ADORA1: variants seen among roughly 807,000 people sequenced by gnomAD.
ADORA1 encodes adenosine A1 receptor.
A neutral mutation model predicts 19.9 loss-of-function variants in ADORA1; 6 were observed. That is an observed-to-expected ratio of 0.30 (90% CI 0.17 to 0.59). The LOEUF (loss-of-function observed/expected upper bound fraction) is 0.59, where lower values mean the gene tolerates loss of function less well. Ranked by LOEUF, ADORA1 falls within the 20% of genes least tolerant of loss-of-function variation. The probability of loss-of-function intolerance (pLI) is 0.87; values close to 1 mark genes in which losing one functional copy is unlikely to be tolerated. For synonymous variants in ADORA1, 194 were observed against 188.4 expected (o/e 1.03, Z -0.24); for missense variants, 302 against 439.2 (o/e 0.69, Z 2.79).
rs149089435 is a variant in ADORA1, at chr1:203,159,739, A to G, written c.342-5522A>G. Reference sequence around the variant, plus strand: ...GTTCTCTTCTATATTCCTGAACCCTAACACCTAGAACCTGGCACCTGATAG... The same window carrying G: ...GTTCTCTTCTATATTCCTGAACCCTGACACCTAGAACCTGGCACCTGATAG... On this transcript the variant is annotated intron_variant, in intron 3 of 3. Coordinates refer to ENST00000337894, the MANE Select transcript of ADORA1 (RefSeq NM_000674.3). 3.8e-3 allele frequency among the ~76,000 whole-genome samples: 578 copies of G among 152,270 alleles called. 8 individuals are homozygous for G. Among genetic ancestry groups the G allele is most frequent in the African/African-American group, 0.013 (545 of 41,534 alleles).
rs34226911 is a variant in ADORA1, at chr1:203,151,788, G to GCATTCATTCATTCATT, written c.342-13455_342-13440dup. Among the ~76,000 whole-genome samples the GCATTCATTCATTCATT allele has an allele frequency of 4.9e-3, 734 of 151,326 alleles. 1 individual carries two copies. The highest frequency in any genetic ancestry group is 7.5e-3 in the Non-Finnish European group (507 of 67,758). Reference sequence around the variant, plus strand: ...CCCACAGCACACTTCATGCATGCATGCATTCATTCATTCATTCATTCATTC... The same window carrying GCATTCATTCATTCATT: ...CCCACAGCACACTTCATGCATGCATGCATTCATTCATTCATTCATTCATTCATTCATTCATTCATTC... On this transcript the variant is annotated intron_variant, in intron 3 of 3. Transcript: ENST00000337894.
In ADORA1 at chr1:203,157,156, A is replaced by T. The variant is rs142771929; in HGVS notation, c.342-8105A>T. 2.1e-3 allele frequency among the ~76,000 whole-genome samples: 314 copies of T among 152,344 alleles called. 3 individuals carry two copies. Among genetic ancestry groups the T allele is most frequent in the African/African-American group, 7.1e-3 (294 of 41,574 alleles). On this transcript the variant is annotated intron_variant, in intron 3 of 3. Coordinates refer to ENST00000337894, the MANE Select transcript of ADORA1 (RefSeq NM_000674.3). ...TCAAAAGTCCTAAGTCCAGAGTCTCATCTAAATCAGATATGGGTGAGGCTA... is the reference window on the plus strand; with the variant it reads ...TCAAAAGTCCTAAGTCCAGAGTCTCTTCTAAATCAGATATGGGTGAGGCTA...
At chr1:203,134,398 T>C (rs953390309) in intron 3 of ADORA1, among the ~76,000 whole-genome samples, 2 of 152,174 alleles carry the variant, frequency 1.3e-5, no homozygotes, top group African/African-American at 4.8e-5. Context: ...ATAATTTCTC[T>C]GAATTAGGGA....
At chr1:203,149,154 A>C (rs1654954059) in intron 3 of ADORA1, among the ~76,000 whole-genome samples, 1 of 152,100 alleles carries the variant, frequency 6.6e-6, no homozygotes, top group Admixed American at 6.5e-5. Context: ...CTGAGATTAC[A>C]GGCGTGAGCT....
chr1:203,132,172 G>A (rs533104352), intron 3 of ADORA1, among the ~76,000 whole-genome samples: 50 of 152,212 alleles, frequency 3.3e-4, no homozygotes, highest in African/African-American at 9.4e-4. Flanking sequence ...TAATTTGCAC[G>A]CTATTTGCAT....
chr1:203,136,388 C>T (rs1654507837), intron 3 of ADORA1, among the ~76,000 whole-genome samples: 1 of 152,114 alleles, frequency 6.6e-6, no homozygotes, highest in Non-Finnish European at 1.5e-5. Flanking sequence ...CTGCCTTGCT[C>T]CTTACCTTGG....
At position 203,128,422 on chromosome 1, in the gene ADORA1, C is replaced by T. The variant is rs1324064944; in HGVS notation, c.-68C>T. The T allele has an allele frequency of 4.6e-6, 6 of 1,293,366 alleles. No individual in the cohort carries two copies. Among genetic ancestry groups the T allele is most frequent in the Non-Finnish European group, 4.0e-6 (4 of 991,634 alleles). The allele number at this position is 1,293,366 out of a possible 1,614,324, so 80.1% of individuals were successfully genotyped here. A position where few individuals can be genotyped will look rare whatever the true frequency, so the allele number is the denominator to read the frequency against. ...TGCCTCTGGGACCCCTGCCGGCCAG[C>T]AGGCAGGATGGTGAGCTCCCTGCAT... On this transcript the variant is annotated 5_prime_UTR_variant, in exon 2 of 4. Coordinates refer to ENST00000337894, the MANE Select transcript of ADORA1 (RefSeq NM_000674.3). The surrounding 1 kb of genome is among the most constrained non-coding windows in gnomAD (Gnocchi z 5.9).
At chr1:203,155,677 A>G (rs1461423542) in intron 3 of ADORA1, among the ~76,000 whole-genome samples, 1 of 152,182 alleles carries the variant, frequency 6.6e-6, no homozygotes, top group Non-Finnish European at 1.5e-5. Context: ...GTGCAGGGCA[A>G]TGCTGGGACT....
intron 3 of ADORA1, among the ~76,000 whole-genome samples, chr1:203,154,764 A>G (rs1655143172): frequency 6.6e-6 from 1 of 152,200 alleles, no homozygotes; most frequent in Non-Finnish European, 1.5e-5. Flanking sequence ...CCATGGTGAT[A>G]CAAAACAGGG....
chr1:203,129,491 G>A, intron 3 of ADORA1: 1 of 392,276 alleles, frequency 2.5e-6, no homozygotes. Context: ...ATTTGGAAGA[G>A]CCACTAAGAT....
intron 3 of ADORA1, among the ~76,000 whole-genome samples, chr1:203,143,300 C>T (rs1036359873): frequency 2.0e-5 from 3 of 152,216 alleles, no homozygotes; most frequent in Non-Finnish European, 4.4e-5. Context: ...TTGTCCTCTT[C>T]TTATAAAGCC....
rs200321877 is a variant in ADORA1 at position 203,128,355 on chromosome 1, C to T, written c.-135C>T. 3.3e-4 allele frequency: 421 copies of T among 1,290,078 alleles called. 1 individual carries two copies. Among genetic ancestry groups the T allele is most frequent in the South Asian group, 5.2e-4 (42 of 81,016 alleles). 79.9% of individuals were successfully genotyped at this position (1,290,078 alleles called of 1,614,324 possible). On this transcript the variant is annotated 5_prime_UTR_variant, in exon 2 of 4. Coordinates refer to ENST00000337894, the MANE Select transcript of ADORA1 (RefSeq NM_000674.3). This position sits in a 1 kb window ranked among gnomAD's most constrained non-coding sequence, Gnocchi z 5.9. Reference sequence around the variant, plus strand: ...TTGTCCAGAGCCCAGCCCAGCCCTACCGCGCGCGGCCCGGAGCTCTGTTCC... The same window carrying T: ...TTGTCCAGAGCCCAGCCCAGCCCTATCGCGCGCGGCCCGGAGCTCTGTTCC...
At chr1:203,129,391 T>G in intron 3 of ADORA1, 1 of 702,958 alleles carries the variant, frequency 1.4e-6, no homozygotes, top group Non-Finnish European at 1.7e-6. Flanking sequence ...GACTGTACTG[T>G]GAACTTACCA....
intron 3 of ADORA1, among the ~76,000 whole-genome samples, chr1:203,132,959 T>C (rs1333317084): frequency 1.3e-5 from 2 of 152,190 alleles, no homozygotes; most frequent in African/African-American, 4.8e-5. Flanking sequence ...CTGCCAGTGC[T>C]GTGTTGGGAT....
chr1:203,160,145 T>C, intron 3 of ADORA1, among the ~76,000 whole-genome samples: 1 of 152,252 alleles, frequency 6.6e-6, no homozygotes, highest in Admixed American at 6.5e-5. Flanking sequence ...GAAATTCTTT[T>C]CCTGCTTTTT....
intron 3 of ADORA1, among the ~76,000 whole-genome samples, chr1:203,143,162 T>A (rs769648058): frequency 6.6e-6 from 1 of 152,174 alleles, no homozygotes; most frequent in Non-Finnish European, 1.5e-5. Flanking sequence ...GAAAGTTTAT[T>A]TGGCTCATGG....
chr1:203,139,969 G>T (rs1654627504), intron 3 of ADORA1, among the ~76,000 whole-genome samples: 1 of 152,172 alleles, frequency 6.6e-6, no homozygotes, highest in African/African-American at 2.4e-5. Flanking sequence ...GCCTCTGAGT[G>T]GTTTAAGCAG....
intron 3 of ADORA1, among the ~76,000 whole-genome samples, chr1:203,148,030 C>T (rs1028717333): frequency 6.6e-6 from 1 of 152,122 alleles, no homozygotes; most frequent in Admixed American, 6.5e-5. Flanking sequence ...ACCAGCCTGG[C>T]CAACATGATG....
intron 3 of ADORA1, among the ~76,000 whole-genome samples, chr1:203,141,887 C>T (rs549799824): frequency 1.1e-4 from 16 of 152,256 alleles, no homozygotes; most frequent in African/African-American, 3.6e-4. Flanking sequence ...CCGGCCTAAC[C>T]TGGATGTTTT....
Sources: allele counts gnomAD v4.1 joint callset (sites outside exome capture counted in the v4.1 genomes callset), GRCh38; gene constraint gnomAD v4.1.1; non-coding constraint Gnocchi (gnomAD v3.1); transcripts MANE v1.5; gene names NCBI Gene and HGNC (gene_info 2026-07-23, HGNC 2026-07-21).